Variants in WDR41 observed in about 807,000 individuals in gnomAD.
WDR41 encodes WD repeat domain 41.
In WDR41, 63 loss-of-function variants were observed where a neutral mutation model predicts 69.3. The ratio of observed to expected loss-of-function variants is 0.91; its 90% CI spans 0.74 to 1.12. WDR41 has a LOEUF of 1.12. Among genes scored for constraint, WDR41 ranks in the 50% most tolerant of loss-of-function variants. The pLI is 0.00. For synonymous variants in WDR41, 185 were observed against 192.1 expected (o/e 0.96, Z 0.31); for missense variants, 543 against 534.5 (o/e 1.02, Z -0.16).
chr5:77,451,479 C>G, intron 6 of WDR41, 126 bp from the exon 7 acceptor site: 1 of 749,648 alleles, frequency 1.3e-6, no homozygotes. Flanking sequence ...ACTAGCTCCA[C>G]ACACACTTCC....
chr5:77,620,434 T>C (rs759714918), intron 1 of WDR41: 12 of 456,054 alleles, frequency 2.6e-5, no homozygotes, highest in African/African-American at 1.4e-4. Flanking sequence ...CCTGAAAATA[T>C]TGGGGGATGA....
chr5:77,554,510 A>G (rs1318978380), intron 1 of WDR41, among the ~76,000 whole-genome samples: 2 of 152,110 alleles, frequency 1.3e-5, no homozygotes, highest in Admixed American at 6.5e-5. Context: ...GTACCTTTCT[A>G]GGAGACAGGC....
Position 77,581,778 on chromosome 5 carries a change from A to T in WDR41, c.42+38701T>A, listed in dbSNP as rs1743944784. Among the ~76,000 whole-genome samples the T allele has an allele frequency of 3.3e-5, 5 of 152,324 alleles. No homozygotes were observed. The South Asian group carries it at 1.0e-3, about 32-fold the overall frequency. On this transcript the variant is annotated intron_variant, in intron 1 of 5. Transcript: ENST00000509971. Reference sequence around the variant, plus strand: ...ACTTAAAGAAGAAATCAAAAAGGAAATCATGAAATACTTTCAGATGAATGA... The same window carrying T: ...ACTTAAAGAAGAAATCAAAAAGGAATTCATGAAATACTTTCAGATGAATGA...
chr5:77,492,121 C>T (rs750653167), intron 1 of WDR41, 49 bp downstream of exon 1: 9 of 1,597,916 alleles, frequency 5.6e-6, no homozygotes, highest in Admixed American at 1.7e-5. Context: ...AACGAAGCCG[C>T]CCCTCCAGCA....
chr5:77,599,630 C>G (rs911044462), intron 1 of WDR41, among the ~76,000 whole-genome samples: 10 of 152,092 alleles, frequency 6.6e-5, no homozygotes, highest in African/African-American at 2.4e-4. Context: ...TTACAATATA[C>G]AGGGTCCCAT....
intron 1 of WDR41, among the ~76,000 whole-genome samples, chr5:77,551,980 AAAAATAAAATAAAATAAAATAAAAT>A (rs57749416): frequency 0.16 from 15,248 of 93,346 alleles, 1,588 homozygotes; most frequent in African/African-American, 0.23. Flanking sequence ...CTCTGTCTCA[AAAAATAAAATAAAATAAAATAAAAT>A]AAAATAAAAT....
At chr5:77,561,420 G>C (rs1743522410) in intron 1 of WDR41, among the ~76,000 whole-genome samples, 1 of 152,100 alleles carries the variant, frequency 6.6e-6, no homozygotes, top group African/African-American at 2.4e-5. Context: ...ATGAAGTAGA[G>C]AGTTCATTAT....
At chr5:77,534,393 G>A (rs939808186) in intron 1 of WDR41, among the ~76,000 whole-genome samples, 2 of 152,082 alleles carry the variant, frequency 1.3e-5, no homozygotes, top group African/African-American at 4.8e-5. Flanking sequence ...TAACTAAGCA[G>A]AGACAATGAA....
At chr5:77,482,718 A>G (rs993567638) in intron 2 of WDR41, among the ~76,000 whole-genome samples, 1 of 152,132 alleles carries the variant, frequency 6.6e-6, no homozygotes, top group African/African-American at 2.4e-5. Context: ...GATTTAGGCC[A>G]TCTAAATTCA....
intron 1 of WDR41, among the ~76,000 whole-genome samples, chr5:77,577,450 CAA>C (rs775294466): frequency 2.6e-5 from 4 of 151,922 alleles, no homozygotes; most frequent in Non-Finnish European, 4.4e-5. Context: ...ATTAATAAAA[CAA>C]AGAGAATCAT....
At chr5:77,444,077 G>A (rs370984035) in intron 8 of WDR41, among the ~76,000 whole-genome samples, 13 of 151,798 alleles carry the variant, frequency 8.6e-5, no homozygotes, top group African/African-American at 2.9e-4. Flanking sequence ...GACGGGTTTC[G>A]CCATGTTGGC....
At chr5:77,483,040 C>A (rs1162651848) in intron 2 of WDR41, among the ~76,000 whole-genome samples, 1 of 152,168 alleles carries the variant, frequency 6.6e-6, no homozygotes, top group African/African-American at 2.4e-5. Flanking sequence ...ATATATTTGC[C>A]TTCTCACAAT....
intron 12 of WDR41, among the ~76,000 whole-genome samples, chr5:77,434,024 A>G (rs1185048172): frequency 5.3e-5 from 8 of 152,166 alleles, no homozygotes; most frequent in Admixed American, 4.6e-4. Context: ...CCTCGAAGGA[A>G]AGGGTGAAAT....
At chr5:77,557,049 A>G (rs1327196796) in intron 1 of WDR41, among the ~76,000 whole-genome samples, 3 of 152,190 alleles carry the variant, frequency 2.0e-5, no homozygotes, top group Non-Finnish European at 4.4e-5. Flanking sequence ...TATTTATTAC[A>G]GATCCCTTTT....
intron 1 of WDR41, among the ~76,000 whole-genome samples, chr5:77,603,485 G>T (rs1257878654): frequency 6.6e-6 from 1 of 152,188 alleles, no homozygotes; most frequent in Non-Finnish European, 1.5e-5. Flanking sequence ...TTTCCTCTCA[G>T]ATGCATAGTT....
chr5:77,440,173 T>C (rs554477798), intron 9 of WDR41, among the ~76,000 whole-genome samples: 78 of 152,286 alleles, frequency 5.1e-4, no homozygotes, highest in African/African-American at 1.8e-3. Context: ...CCCAACTCCT[T>C]CTCCTCGAAG....
At chr5:77,558,333 G>C (rs1743452153) in intron 1 of WDR41, among the ~76,000 whole-genome samples, 1 of 152,072 alleles carries the variant, frequency 6.6e-6, no homozygotes, top group Admixed American at 6.6e-5. Context: ...AAGAAAAATA[G>C]AAAAGGAAAT....
intron 1 of WDR41, among the ~76,000 whole-genome samples, chr5:77,504,204 T>A (rs1346063273): frequency 6.6e-6 from 1 of 151,932 alleles, no homozygotes; most frequent in Non-Finnish European, 1.5e-5. Flanking sequence ...ATATCACCAC[T>A]GATCCCACAG....
intron 1 of WDR41, among the ~76,000 whole-genome samples, chr5:77,609,530 GAT>G (rs1438004162): frequency 6.6e-6 from 1 of 152,212 alleles, no homozygotes; most frequent in Non-Finnish European, 1.5e-5. Flanking sequence ...CACTGCTGCT[GAT>G]ACCCAGGCAA....
Sources: gnomAD v4.1 joint callset for allele counts (sites outside exome capture counted in the v4.1 genomes callset) on GRCh38, gnomAD v4.1.1 for gene constraint, MANE v1.5 for transcripts, NCBI Gene and HGNC (gene_info 2026-07-23, HGNC 2026-07-21) for gene names.